RSPO1: variants seen among roughly 807,000 people sequenced by gnomAD.
RSPO1 encodes R-spondin 1, also known as R-spondin-1.
In RSPO1, 18 loss-of-function variants were observed where a neutral mutation model predicts 26.0. The observed-to-expected ratio is 0.69, with a 90% CI of 0.48 to 1.03. RSPO1 has a LOEUF of 1.03. Among genes scored for constraint, RSPO1 ranks in the 50% least tolerant of loss-of-function variants. The pLI is 0.00. For missense variants in RSPO1, 309 were observed against 352.3 expected, an observed-to-expected ratio of 0.88 and a Z score of 0.98; for synonymous variants, 133 against 137.4, an observed-to-expected ratio of 0.97 and a Z score of 0.22.
At chr1:37,631,243 G>A (rs962843948) in intron 2 of RSPO1, among the ~76,000 whole-genome samples, 3 of 152,164 alleles carry the variant, frequency 2.0e-5, no homozygotes, top group African/African-American at 7.2e-5. Flanking sequence ...GGCTTTGAAG[G>A]CCAGACACAC....
intron 4 of RSPO1, among the ~76,000 whole-genome samples, chr1:37,616,009 G>A (rs1408015870): frequency 6.6e-6 from 1 of 152,196 alleles, no homozygotes; most frequent in Admixed American, 6.5e-5. Flanking sequence ...TGATGGGGTA[G>A]GGTGTGTGTC....
intron 3 of RSPO1, among the ~76,000 whole-genome samples, chr1:37,623,698 C>T (rs928478726): frequency 6.7e-6 from 1 of 149,906 alleles, no homozygotes; most frequent in African/African-American, 2.5e-5. Flanking sequence ...GGCAACATAG[C>T]AAGACCCCAC....
rs150903340 is a variant in RSPO1 at position 37,624,109 on chromosome 1, G to A, written c.94+5459C>T. Among the ~76,000 whole-genome samples, 825 of 152,166 alleles carry A rather than the reference G, an allele frequency of 5.4e-3. 11 individuals are homozygous for A. The highest frequency in any genetic ancestry group is 6.8e-3 in the Middle Eastern group (2 of 294). ...AGAAAGCGACCAATGGAAGGGCATCGTTGGGTTGGTAGTTTAGAAAGCTCT... is the reference window on the plus strand; with the variant it reads ...AGAAAGCGACCAATGGAAGGGCATCATTGGGTTGGTAGTTTAGAAAGCTCT... On this transcript the variant is annotated intron_variant, in intron 3 of 6. Coordinates refer to ENST00000356545, the MANE Select transcript of RSPO1 (RefSeq NM_001242908.2).
intron 2 of RSPO1, chr1:37,632,022 A>G (rs1322497245): frequency 1.3e-5 from 2 of 152,236 alleles, no homozygotes; most frequent in Non-Finnish European, 2.9e-5. Context: ...GTTGACAAAC[A>G]CTGCATTAGA....
intron 4 of RSPO1, 44 bp downstream of exon 4, chr1:37,616,440 A>G: frequency 6.3e-7 from 1 of 1,588,968 alleles, no homozygotes; most frequent in Non-Finnish European, 8.6e-7. Context: ...CCCAGTCCAG[A>G]GCTTCTAATG....
At chr1:37,618,356 G>A (rs1025489435) in intron 3 of RSPO1, among the ~76,000 whole-genome samples, 2 of 152,180 alleles carry the variant, frequency 1.3e-5, no homozygotes, top group African/African-American at 4.8e-5. Flanking sequence ...ACTCTCTGAG[G>A]GGGGACAGAG....
At chr1:37,620,267 C>T (rs895274554) in intron 3 of RSPO1, among the ~76,000 whole-genome samples, 3 of 152,110 alleles carry the variant, frequency 2.0e-5, no homozygotes, top group Non-Finnish European at 4.4e-5. Flanking sequence ...AATCCCAGCA[C>T]TTCGGGAGGC....
intron 1 of RSPO1, among the ~76,000 whole-genome samples, chr1:37,633,644 G>A (rs922495169): frequency 6.6e-6 from 1 of 151,398 alleles, no homozygotes; most frequent in Non-Finnish European, 1.5e-5. Flanking sequence ...GCTGGCAGGC[G>A]GGGGCAGAAG....
chr1:37,625,299 G>A (rs1036154239), intron 3 of RSPO1, among the ~76,000 whole-genome samples: 1 of 152,252 alleles, frequency 6.6e-6, no homozygotes, highest in Non-Finnish European at 1.5e-5. Flanking sequence ...GGCTTGAGAT[G>A]AGGGGTGGTG....
Position 37,629,891 on chromosome 1 carries a change from C to G in RSPO1, c.-230G>C. On this transcript the variant is annotated 5_prime_UTR_variant, in exon 3 of 7. Coordinates refer to ENST00000356545, the MANE Select transcript of RSPO1 (RefSeq NM_001242908.2). The stretch of plus-strand genomic sequence containing the variant: ...AAGAGAGACTTCCTCAAAGATACCT[C>G]GGAATATCATATGAGAGATCTTTTT... 4.5e-6 allele frequency: 7 copies of G among 1,549,560 alleles called. No homozygotes were observed. Among genetic ancestry groups the G allele is most frequent in the Non-Finnish European group, 6.1e-6 (7 of 1,145,974 alleles).
At position 37,614,318 on chromosome 1, in the gene RSPO1, T is replaced by C; in HGVS notation, c.302A>G (p.His101Arg). ...GTTATGGCTGAAGCAGGCCTCACAG[T>C]GCTCGATCTTGCATTCTGAGGAGAG... ...MNKCIKCKIEHCEACFSHNFC... is the reference protein window; with the variant it reads ...MNKCIKCKIERCEACFSHNFC... Residue 101 changes from histidine (H) to arginine (R), a missense_variant, in exon 5 of 7, where the codon CAC becomes CGC. By Grantham distance (29) the His-to-Arg change is conservative (BLOSUM62 0). Coordinates refer to ENST00000356545, the MANE Select transcript of RSPO1 (RefSeq NM_001242908.2). The C allele has an allele frequency of 1.2e-6, 2 of 1,613,714 alleles. No homozygotes were observed. Among genetic ancestry groups the C allele is most frequent in the South Asian group, 2.2e-5 (2 of 91,062 alleles).
rs574969213 is a variant in RSPO1, at chr1:37,623,863, G to T, written c.94+5705C>A. On this transcript the variant is annotated intron_variant, in intron 3 of 6. Transcript: ENST00000356545. ...CAACCTCCGCCTCCTGGGTTCAAGC[G>T]ATTCTCCTGCCTCAGCCTCCTGAGT... Among the ~76,000 whole-genome samples the T allele has an allele frequency of 1.8e-4, 27 of 150,972 alleles. No individual in the cohort carries two copies. The East Asian group carries it at 5.3e-3, about 30-fold the overall frequency.
intron 3 of RSPO1, among the ~76,000 whole-genome samples, chr1:37,622,986 T>C (rs1197782907): frequency 6.6e-6 from 1 of 151,680 alleles, no homozygotes; most frequent in East Asian, 2.0e-4. Context: ...GGGACATTGA[T>C]GGAGTAGAGA....
In RSPO1 at chr1:37,629,901, T is replaced by C. The variant is rs968780109; in HGVS notation, c.-240A>G. On this transcript the variant is annotated 5_prime_UTR_variant, in exon 3 of 7. In the 5' UTR this introduces an upstream ATG that the reference lacks. Transcript: ENST00000356545. The stretch of plus-strand genomic sequence containing the variant: ...TCCTCAAAGATACCTCGGAATATCA[T>C]ATGAGAGATCTTTTTGTCACGTCAG... The C allele has an allele frequency of 1.3e-6, 2 of 1,548,004 alleles. No homozygotes were observed. The highest frequency in any genetic ancestry group is 1.7e-6 in the Non-Finnish European group (2 of 1,144,626).
chr1:37,618,243 C>T (rs1644146761), intron 3 of RSPO1, among the ~76,000 whole-genome samples: 1 of 152,224 alleles, frequency 6.6e-6, no homozygotes, highest in Admixed American at 6.5e-5. Flanking sequence ...TGGAGAAAGG[C>T]TACTGTGTCA....
At chr1:37,630,837 C>A (rs562835015) in intron 2 of RSPO1, among the ~76,000 whole-genome samples, 15 of 152,334 alleles carry the variant, frequency 9.8e-5, no homozygotes, top group African/African-American at 3.4e-4. Flanking sequence ...CCACACTCCC[C>A]CACACACACC....
rs1644059709 is a variant in RSPO1, at chr1:37,613,613, T to C, written c.625+91A>G. The C allele has an allele frequency of 8.7e-7, 1 of 1,152,898 alleles. No homozygotes were observed. Among genetic ancestry groups the C allele is most frequent in the Non-Finnish European group, 1.3e-6 (1 of 786,770 alleles). 71.4% of individuals were successfully genotyped at this position (1,152,898 alleles called of 1,614,324 possible). A position where few individuals can be genotyped will look rare whatever the true frequency, so the allele number is the denominator to read the frequency against. ...CATCTGGCCTTGCCCTGAAGCTTCT[T>C]CCTGAGCCGTGGGCAGGAAGCAGAG... On this transcript the variant is annotated intron_variant, in intron 6 of 6. Coordinates refer to ENST00000356545, the MANE Select transcript of RSPO1 (RefSeq NM_001242908.2). This position sits in a 1 kb window ranked among gnomAD's most constrained non-coding sequence, Gnocchi z 4.5.
In RSPO1 at chr1:37,613,699, C is replaced by T. The variant is rs997652077; in HGVS notation, c.625+5G>A. The stretch of plus-strand genomic sequence containing the variant: ...GACCCCAGGGAGGCAGAGGCTGCAG[C>T]TCACCCTCAGGACACGGCACTCTCC... On this transcript the variant is annotated splice_donor_5th_base_variant and intron_variant, in intron 6 of 6. Transcript: ENST00000356545. This position sits in a 1 kb window ranked among gnomAD's most constrained non-coding sequence, Gnocchi z 4.5. 1 of 1,609,814 alleles carries T rather than the reference C, an allele frequency of 6.2e-7. No homozygotes were observed. Among genetic ancestry groups the T allele is most frequent in the Non-Finnish European group, 8.5e-7 (1 of 1,177,154 alleles).
intron 5 of RSPO1, 113 bp downstream of exon 5, chr1:37,614,071 G>T: frequency 7.4e-7 from 1 of 1,359,160 alleles, no homozygotes; most frequent in Non-Finnish European, 1.0e-6. Flanking sequence ...GGAGTGGTAG[G>T]GTAAGCTCTC....
Sources: gnomAD v4.1 joint callset for allele counts (sites outside exome capture counted in the v4.1 genomes callset) on GRCh38, gnomAD v4.1.1 for gene constraint, Gnocchi (gnomAD v3.1) non-coding constraint, MANE v1.5 for transcripts, NCBI Gene and HGNC (gene_info 2026-07-23, HGNC 2026-07-21) for gene names.